CDH9: variants seen among roughly 807,000 people sequenced by gnomAD.
CDH9 encodes cadherin-9.
CDH9 carries 28 observed loss-of-function variants against 70.9 expected under a neutral mutation model. The ratio of observed to expected loss-of-function variants is 0.40; its 90% confidence interval spans 0.29 to 0.54. The LOEUF is 0.54. Among genes scored for constraint, CDH9 ranks in the 20% least tolerant of loss-of-function variants. The pLI is 0.59. For synonymous variants in CDH9, 409 were observed against 343.1 expected (o/e 1.19, Z -2.12); for missense variants, 874 against 984.4 (o/e 0.89, Z 1.50).
Position 26,906,777 on chromosome 5 carries a change from G to C in CDH9, c.585C>G (p.Ala195=), listed in dbSNP as rs201744856. ...CTTGCAATATGCTATAGACCACTTT[G>C]GCACTATTTCCATAGTTGGCGTCAT... ...DADDANYGNS[A]KVVYSILQGQ... Residue 195 remains alanine (A), a synonymous_variant, in exon 4 of 12, where the codon GCC becomes GCG. Coordinates refer to ENST00000231021, the MANE Select transcript of CDH9 (RefSeq NM_016279.4). 4.3e-6 allele frequency: 7 copies of C among 1,612,948 alleles called. No homozygotes were observed. In the Admixed American group the frequency reaches 8.3e-5, roughly 19 times the overall value.
chr5:27,030,810 T>A (rs1224763652), intron 1 of CDH9, among the ~76,000 whole-genome samples: 1 of 47,022 alleles, frequency 2.1e-5, no homozygotes, highest in East Asian at 2.8e-4. Flanking sequence ...CAAATACATA[T>A]AACACTCAGC....
rs188463437 is a variant in CDH9 at position 26,951,427 on chromosome 5, T to C, written c.229-35503A>G. Among the ~76,000 whole-genome samples the C allele has an allele frequency of 2.3e-3, 347 of 152,168 alleles. 1 individual carries two copies. Among genetic ancestry groups the C allele is most frequent in the Middle Eastern group, 0.01 (3 of 294 alleles). ...GAATACTTACCTTTAGATGCTTTAG[T>C]GGAATGTCCCCACTTTAGGGTTGCT... On this transcript the variant is annotated intron_variant, in intron 2 of 11. Coordinates refer to ENST00000231021, the MANE Select transcript of CDH9 (RefSeq NM_016279.4).
At chr5:26,889,653 T>C (rs949871835) in intron 9 of CDH9, among the ~76,000 whole-genome samples, 183 bp downstream of exon 9, 2 of 145,958 alleles carry the variant, frequency 1.4e-5, no homozygotes, top group Non-Finnish European at 3.0e-5. Flanking sequence ...GATTCCATTA[T>C]AAAAACATTT....
chr5:26,949,021 G>C (rs1741800599), intron 2 of CDH9, among the ~76,000 whole-genome samples: 1 of 151,964 alleles, frequency 6.6e-6, no homozygotes, highest in African/African-American at 2.4e-5. Flanking sequence ...ACATTCTTTT[G>C]AAATTGTGTA....
intron 2 of CDH9, among the ~76,000 whole-genome samples, chr5:26,971,324 A>G (rs1742215594): frequency 6.6e-6 from 1 of 152,144 alleles, no homozygotes; most frequent in Non-Finnish European, 1.5e-5. Flanking sequence ...TTAGCCTTGA[A>G]CACATCATTT....
chr5:26,910,729 C>T (rs538481138), intron 3 of CDH9, among the ~76,000 whole-genome samples: 4 of 152,254 alleles, frequency 2.6e-5, no homozygotes, highest in African/African-American at 4.8e-5. Flanking sequence ...TTTTGACTTG[C>T]TTCAGTGTGA....
At chr5:27,010,495 T>C (rs1406528906) in intron 1 of CDH9, among the ~76,000 whole-genome samples, 1 of 152,174 alleles carries the variant, frequency 6.6e-6, no homozygotes, top group African/African-American at 2.4e-5. Flanking sequence ...AAAGACTTTC[T>C]AAACTTATCC....
chr5:27,006,023 T>C (rs914434394), intron 1 of CDH9, among the ~76,000 whole-genome samples: 3 of 151,482 alleles, frequency 2.0e-5, no homozygotes, highest in Non-Finnish European at 4.4e-5. Context: ...TACTTGGAGG[T>C]GGAGGCTGGA....
At chr5:26,939,619 T>A (rs1248236037) in intron 2 of CDH9, among the ~76,000 whole-genome samples, 1 of 152,030 alleles carries the variant, frequency 6.6e-6, no homozygotes, top group Non-Finnish European at 1.5e-5. Flanking sequence ...GGCAAGCAAA[T>A]GATGATTTCC....
chr5:26,902,473 T>TA lies in CDH9; in HGVS notation c.1253+2dup. ...ACATAATAAATGTTTTCAAAGTACT[T>TA]ACTTTATTAAATTGTTCCTGGCATC... On this transcript the variant is annotated splice_region_variant and intron_variant, in intron 7 of 11. Transcript: ENST00000231021. 1 of 1,587,048 alleles carries TA rather than the reference T, an allele frequency of 6.3e-7. No homozygotes were observed. Among genetic ancestry groups the TA allele is most frequent in the South Asian group, 1.1e-5 (1 of 89,696 alleles).
intron 11 of CDH9, among the ~76,000 whole-genome samples, chr5:26,883,041 T>TTAGATAGATATATA (rs1221330777): frequency 1.7e-5 from 1 of 58,040 alleles, no homozygotes; most frequent in East Asian, 5.3e-4. Flanking sequence ...CAGGATCATC[T>TTAGATAGATATATA]TATATATATA....
chr5:26,925,980 A>G (rs891064282), intron 2 of CDH9, among the ~76,000 whole-genome samples: 4 of 152,188 alleles, frequency 2.6e-5, no homozygotes, highest in Non-Finnish European at 5.9e-5. Context: ...CCCACAGCCA[A>G]TATCATACTG....
At chr5:26,918,816 C>T (rs888821902) in intron 2 of CDH9, among the ~76,000 whole-genome samples, 3 of 152,196 alleles carry the variant, frequency 2.0e-5, no homozygotes, top group African/African-American at 7.2e-5. Flanking sequence ...TGGACTCAGA[C>T]TGAAACTATA....
intron 1 of CDH9, among the ~76,000 whole-genome samples, chr5:27,029,390 T>C (rs1046772572): frequency 7.9e-5 from 12 of 151,968 alleles, no homozygotes; most frequent in Non-Finnish European, 5.9e-5. Flanking sequence ...AAAATTTTCT[T>C]TGAATGAATT....
At chr5:27,001,842 A>ACTCTCTCCCTCTCTCTCTCTCT (rs1430161167) in intron 1 of CDH9, among the ~76,000 whole-genome samples, 7 of 125,866 alleles carry the variant, frequency 5.6e-5, no homozygotes, top group African/African-American at 2.2e-4. Flanking sequence ...ACACACACAC[A>ACTCTCTCCCTCTCTCTCTCTCT]CACTCTCTCT....
At chr5:26,931,087 G>A (rs1386428334) in intron 2 of CDH9, among the ~76,000 whole-genome samples, 7 of 152,064 alleles carry the variant, frequency 4.6e-5, no homozygotes, top group African/African-American at 9.7e-5. Context: ...AGCAAACCAC[G>A]ACAAACCTGG....
At chr5:27,001,844 A>ACTCTCTCTCTCT (rs141271541) in intron 1 of CDH9, among the ~76,000 whole-genome samples, 1,739 of 141,994 alleles carry the variant, frequency 0.012, 34 homozygotes, top group African/African-American at 0.046. Context: ...ACACACACAC[A>ACTCTCTCTCTCT]CTCTCTCTCT....
rs543818790 is a variant in CDH9, at chr5:27,017,317, T to G, written c.-50+21146A>C. On this transcript the variant is annotated intron_variant, in intron 1 of 11. Coordinates refer to ENST00000231021, the MANE Select transcript of CDH9 (RefSeq NM_016279.4). ...ACATCAAAAATATTATTGTTTTTCC[T>G]TAATTATTTTAATGAGTGATCCTCA... 1.1e-4 allele frequency among the ~76,000 whole-genome samples: 16 copies of G among 152,058 alleles called. No homozygotes were observed. In the South Asian group the frequency reaches 3.3e-3, roughly 31 times the overall value.
chr5:27,020,569 TC>T lies in CDH9; in HGVS notation c.-50+17893del, dbSNP rs531097233. 2.0e-3 allele frequency among the ~76,000 whole-genome samples: 302 copies of T among 151,844 alleles called. 1 individual carries two copies. Among genetic ancestry groups the T allele is most frequent in the Non-Finnish European group, 3.6e-3 (241 of 67,744 alleles). ...TATTATAAGGTAAGATATATGTCTA[TC>T]TTAAGTGTTTATTTTGTGCATATTA... On this transcript the variant is annotated intron_variant, in intron 1 of 11. Transcript: ENST00000231021.
Sources: gnomAD v4.1 joint callset for allele counts (sites outside exome capture counted in the v4.1 genomes callset) on GRCh38, gnomAD v4.1.1 for gene constraint, MANE v1.5 for transcripts, NCBI Gene and HGNC (gene_info 2026-07-23, HGNC 2026-07-21) for gene names.